The following ZEB1 variants were observed in gnomAD, a reference collection of about 807,000 sequenced individuals.
The protein encoded by ZEB1 is zinc finger E-box binding homeobox 1.
In ZEB1, 21 loss-of-function variants were observed where a neutral mutation model predicts 84.9. That is an observed-to-expected ratio of 0.25 (90% CI 0.18 to 0.36). ZEB1 has a LOEUF of 0.36. Ranked by LOEUF, ZEB1 falls within the 10% of genes least tolerant of loss-of-function variation. ZEB1 has a pLI of 1.00. For synonymous variants in ZEB1, 420 were observed against 471.1 expected (o/e 0.89, Z 1.41); for missense variants, 1,104 against 1,330.2 (o/e 0.83, Z 2.65).
At chr10:31,497,746 G>A (rs11813887) in intron 3 of ZEB1, among the ~76,000 whole-genome samples, 2,474 of 152,134 alleles carry the variant, frequency 0.016, 63 homozygotes, top group African/African-American at 0.057. Context: ...TCTGCAGCTC[G>A]TGAAGTTAAG....
chr10:31,449,760 AT>A (rs2060314950), intron 1 of ZEB1, among the ~76,000 whole-genome samples: 1 of 151,804 alleles, frequency 6.6e-6, no homozygotes, highest in Non-Finnish European at 1.5e-5. Context: ...CATTACTATT[AT>A]TTTTCTGAAT....
intron 2 of ZEB1, among the ~76,000 whole-genome samples, chr10:31,473,185 C>A (rs902996079): frequency 6.6e-6 from 1 of 151,282 alleles, no homozygotes; most frequent in African/African-American, 2.5e-5. Flanking sequence ...TCCTATTCAA[C>A]ATAGTGTTGG....
chr10:31,332,533 A>G (rs2133305087), intron 1 of ZEB1, among the ~76,000 whole-genome samples: 1 of 152,272 alleles, frequency 6.6e-6, no homozygotes, highest in South Asian at 2.1e-4. Context: ...TTGTACTTTG[A>G]TATCAGTTCT....
chr10:31,394,703 T>C (rs1018947393), intron 1 of ZEB1, among the ~76,000 whole-genome samples: 28 of 152,346 alleles, frequency 1.8e-4, no homozygotes, highest in African/African-American at 6.3e-4. Context: ...TGACTGTGGT[T>C]GCTAATTGTT....
At position 31,400,740 on chromosome 10, in the gene ZEB1, C is replaced by T. The variant is rs188817943; in HGVS notation, c.59-60297C>T. The stretch of plus-strand genomic sequence containing the variant: ...TCTGTGTCTTATAAGTTTTCATCTT[C>T]AAAAAGCATGGAACAAATACTAATT... On this transcript the variant is annotated intron_variant, in intron 1 of 8. Coordinates refer to ENST00000424869, the MANE Select transcript of ZEB1 (RefSeq NM_001174096.2). 3.9e-3 allele frequency among the ~76,000 whole-genome samples: 598 copies of T among 152,144 alleles called. 3 individuals carry two copies. Among genetic ancestry groups the T allele is most frequent in the Non-Finnish European group, 6.7e-3 (457 of 67,970 alleles).
intron 1 of ZEB1, among the ~76,000 whole-genome samples, chr10:31,450,402 G>A (rs1395973681): frequency 6.6e-6 from 1 of 150,764 alleles, no homozygotes; most frequent in Non-Finnish European, 1.5e-5. Context: ...TTTTTCTGTT[G>A]GAAAGATATT....
At chr10:31,472,902 A>G (rs1450310898) in intron 2 of ZEB1, among the ~76,000 whole-genome samples, 1 of 125,300 alleles carries the variant, frequency 8.0e-6, no homozygotes, top group Admixed American at 7.0e-5. Flanking sequence ...GGCTGGTTCA[A>G]TATACCCAAA....
At chr10:31,507,247 C>T (rs570103026) in intron 4 of ZEB1, among the ~76,000 whole-genome samples, 1 of 152,122 alleles carries the variant, frequency 6.6e-6, no homozygotes, top group South Asian at 2.1e-4. Flanking sequence ...ACACTTTTCT[C>T]GTGTTGTTTT....
At chr10:31,378,914 AT>A (rs1174518102) in intron 1 of ZEB1, among the ~76,000 whole-genome samples, 1 of 152,088 alleles carries the variant, frequency 6.6e-6, no homozygotes, top group Non-Finnish European at 1.5e-5. Flanking sequence ...TATTTCTGCC[AT>A]GTACTTTACC....
intron 1 of ZEB1, among the ~76,000 whole-genome samples, chr10:31,370,265 G>A (rs2045457986): frequency 6.6e-6 from 1 of 152,116 alleles, no homozygotes; most frequent in African/African-American, 2.4e-5. Context: ...CATATGGCAG[G>A]CTTACTTTGT....
At chr10:31,432,319 T>C (rs2057809510) in intron 1 of ZEB1, among the ~76,000 whole-genome samples, 1 of 152,238 alleles carries the variant, frequency 6.6e-6, no homozygotes, top group African/African-American at 2.4e-5. Flanking sequence ...ATAGACATGG[T>C]GGCTCACACC....
At chr10:31,486,077 TA>T (rs2065719447) in intron 2 of ZEB1, among the ~76,000 whole-genome samples, 1 of 149,940 alleles carries the variant, frequency 6.7e-6, no homozygotes, top group Non-Finnish European at 1.5e-5. Context: ...TGATCCTTTT[TA>T]TTAATGAGTA....
At chr10:31,360,725 T>A (rs1331578206) in intron 1 of ZEB1, among the ~76,000 whole-genome samples, 3 of 152,256 alleles carry the variant, frequency 2.0e-5, no homozygotes, top group Non-Finnish European at 4.4e-5. Context: ...CACGTTGAAA[T>A]ATTTTATGAA....
chr10:31,475,298 T>C (rs1394274196), intron 2 of ZEB1, among the ~76,000 whole-genome samples: 1 of 151,634 alleles, frequency 6.6e-6, no homozygotes, highest in Non-Finnish European at 1.5e-5. Context: ...TACAGGATTA[T>C]GTAAAGCTAC....
At chr10:31,416,148 G>C (rs770057409) in intron 1 of ZEB1, among the ~76,000 whole-genome samples, 6 of 151,794 alleles carry the variant, frequency 4.0e-5, no homozygotes, top group Non-Finnish European at 7.4e-5. Context: ...ATGAAGTGTT[G>C]TTTAATACTA....
intron 1 of ZEB1, chr10:31,319,647 G>A: frequency 3.5e-6 from 1 of 287,332 alleles, no homozygotes; most frequent in Non-Finnish European, 6.4e-6. Flanking sequence ...GGTCCCGGGT[G>A]GAGCGGCTGT....
chr10:31,457,500 T>TA (rs1444892970), intron 1 of ZEB1, among the ~76,000 whole-genome samples: 3 of 152,170 alleles, frequency 2.0e-5, no homozygotes, highest in Non-Finnish European at 4.4e-5. Context: ...TCTCAGCAGA[T>TA]AAAATACATT....
chr10:31,450,288 T>G (rs946627909), intron 1 of ZEB1, among the ~76,000 whole-genome samples: 4 of 152,224 alleles, frequency 2.6e-5, no homozygotes, highest in Non-Finnish European at 5.9e-5. Flanking sequence ...TGTTTTATTT[T>G]AAGCTTTTTC....
At chr10:31,428,879 C>G (rs2057330408) in intron 1 of ZEB1, among the ~76,000 whole-genome samples, 1 of 152,048 alleles carries the variant, frequency 6.6e-6, no homozygotes, top group South Asian at 2.1e-4. Flanking sequence ...AATTGCAACC[C>G]CTGCTTTTTG....
Sources: gnomAD v4.1 joint callset for allele counts (sites outside exome capture counted in the v4.1 genomes callset) on GRCh38, gnomAD v4.1.1 for gene constraint, MANE v1.5 for transcripts, NCBI Gene and HGNC (gene_info 2026-07-23, HGNC 2026-07-21) for gene names.